The following SUGCT variants were observed in gnomAD, a reference collection of about 807,000 sequenced individuals.
SUGCT encodes succinyl-CoA:glutarate CoA-transferase.
A neutral mutation model predicts 55.0 loss-of-function variants in SUGCT; 41 were observed. The ratio of observed to expected loss-of-function variants is 0.74; its 90% confidence interval spans 0.58 to 0.97. The LOEUF (loss-of-function observed/expected upper bound fraction) is 0.97, where lower values mean the gene tolerates loss of function less well. SUGCT is among the 50% of genes least tolerant of loss of function. The pLI, the probability that SUGCT is intolerant of heterozygous loss-of-function variation, is 0.00. For missense variants in SUGCT, 568 were observed against 547.8 expected (o/e 1.04, Z -0.37); for synonymous variants, 187 against 200.4 (o/e 0.93, Z 0.56).
At chr7:41,000,459 A>G in the SUGCT span, among the ~76,000 whole-genome samples, 2 of 152,002 alleles carry the variant, frequency 1.3e-5, no homozygotes, top group Non-Finnish European at 2.9e-5. Context: ...GTAAGCAACT[A>G]AGTTAGACTC....
At chr7:40,261,473 A>G (rs371732469) in intron 7 of SUGCT, among the ~76,000 whole-genome samples, 3 of 152,334 alleles carry the variant, frequency 2.0e-5, no homozygotes, top group Admixed American at 6.5e-5. Flanking sequence ...GAATACTAAC[A>G]TGTATCCCAA....
intron 12 of SUGCT, among the ~76,000 whole-genome samples, chr7:40,664,997 AT>A (rs1355257781): frequency 1.4e-5 from 2 of 145,208 alleles, no homozygotes; most frequent in African/African-American, 5.3e-5. Context: ...AAAAAAAAAA[AT>A]CTTTTTCTGT....
At chr7:40,361,768 A>G (rs903427467) in intron 9 of SUGCT, among the ~76,000 whole-genome samples, 2 of 152,110 alleles carry the variant, frequency 1.3e-5, no homozygotes, top group African/African-American at 2.4e-5. Flanking sequence ...AGTCACTGGC[A>G]TAAAGATAGC....
At chr7:40,437,100 T>TC (rs1788220083) in intron 9 of SUGCT, among the ~76,000 whole-genome samples, 1 of 152,224 alleles carries the variant, frequency 6.6e-6, no homozygotes, top group African/African-American at 2.4e-5. Flanking sequence ...CCTTCTTGAA[T>TC]AACAGCAGGC....
chr7:40,335,253 T>C (rs1360610411), intron 9 of SUGCT, among the ~76,000 whole-genome samples: 1 of 152,206 alleles, frequency 6.6e-6, no homozygotes, highest in Admixed American at 6.5e-5. Flanking sequence ...TTTGGTTCCA[T>C]ATGAACTTTA....
chr7:40,645,966 T>C (rs1236891902), intron 12 of SUGCT, among the ~76,000 whole-genome samples: 1 of 152,226 alleles, frequency 6.6e-6, no homozygotes, highest in Non-Finnish European at 1.5e-5. Flanking sequence ...ATTGGGATAC[T>C]GGATGTGCAG....
At chr7:40,701,108 T>C (rs1164877460) in intron 12 of SUGCT, among the ~76,000 whole-genome samples, 2 of 152,204 alleles carry the variant, frequency 1.3e-5, no homozygotes, top group Non-Finnish European at 2.9e-5. Context: ...CCTCTGAGGC[T>C]GGCTTCCTCC....
intron 1 of SUGCT, among the ~76,000 whole-genome samples, chr7:40,163,584 G>A (rs1390203424): frequency 1.4e-5 from 2 of 147,090 alleles, no homozygotes; most frequent in Non-Finnish European, 3.0e-5. Context: ...CAGCCTGGGT[G>A]ATAGAGCGAG....
chr7:40,367,906 T>A (rs1784093743), intron 9 of SUGCT, among the ~76,000 whole-genome samples: 1 of 152,110 alleles, frequency 6.6e-6, no homozygotes, highest in African/African-American at 2.4e-5. Context: ...AGCCTCTCCA[T>A]CCATGCCTCC....
At chr7:40,900,273 C>T in the SUGCT span, among the ~76,000 whole-genome samples, 1 of 152,198 alleles carries the variant, frequency 6.6e-6, no homozygotes. Flanking sequence ...TATTTCTTTC[C>T]CTCTGGCTCC....
the SUGCT span, among the ~76,000 whole-genome samples, chr7:40,910,343 G>A: frequency 1.3e-5 from 2 of 152,074 alleles, no homozygotes; most frequent in Admixed American, 1.3e-4. Flanking sequence ...AACTTTTAAT[G>A]GAGGGTAGCA....
At chr7:40,282,617 C>T (rs1793040834) in intron 8 of SUGCT, among the ~76,000 whole-genome samples, 1 of 152,138 alleles carries the variant, frequency 6.6e-6, no homozygotes, top group Admixed American at 6.6e-5. Flanking sequence ...GGGGCCAGTG[C>T]AGTGGCCTGT....
intron 1 of SUGCT, among the ~76,000 whole-genome samples, chr7:40,156,966 G>T (rs966690264): frequency 6.9e-6 from 1 of 145,968 alleles, no homozygotes; most frequent in African/African-American, 2.6e-5. Flanking sequence ...AGTGAGCCGA[G>T]ATGGCACCAC....
chr7:40,846,230 T>C (rs1793549309), intron 13 of SUGCT, among the ~76,000 whole-genome samples: 1 of 152,202 alleles, frequency 6.6e-6, no homozygotes, highest in Non-Finnish European at 1.5e-5. Context: ...CCCAAAGAGC[T>C]TGTATTGAAT....
chr7:40,298,659 C>T (rs2151072734), intron 8 of SUGCT, among the ~76,000 whole-genome samples: 1 of 152,124 alleles, frequency 6.6e-6, no homozygotes, highest in East Asian at 1.9e-4. Context: ...TTTTCCTGAC[C>T]ACTATCATGT....
the SUGCT span, among the ~76,000 whole-genome samples, chr7:40,932,431 C>T: frequency 4.6e-5 from 7 of 152,138 alleles, no homozygotes; most frequent in Admixed American, 4.6e-4. Context: ...CTGTAGTTGT[C>T]TATTAGGTCC....
At chr7:40,452,515 T>A (rs1789245962) in intron 10 of SUGCT, among the ~76,000 whole-genome samples, 1 of 152,174 alleles carries the variant, frequency 6.6e-6, no homozygotes, top group African/African-American at 2.4e-5. Flanking sequence ...TAGGTGATTT[T>A]GGAGCAAGTT....
chr7:40,417,219 T>C (rs1046048858), intron 9 of SUGCT, among the ~76,000 whole-genome samples: 8 of 152,110 alleles, frequency 5.3e-5, no homozygotes, highest in Middle Eastern at 3.4e-3. Flanking sequence ...TTTCAGCTTT[T>C]TTCTTTGTTT....
Position 40,565,455 on chromosome 7 carries a change from A to G in SUGCT, c.1089+69069A>G, listed in dbSNP as rs145336268. On this transcript the variant is annotated intron_variant, in intron 12 of 13. Coordinates refer to ENST00000335693, the MANE Select transcript of SUGCT (RefSeq NM_001193313.2). ...TGCTGGGGCATAGGCTATCCCCATT[A>G]TTTCTTATATTAATTCATCTTTTCT... is the stretch of plus-strand genomic sequence containing the variant. 1.7e-3 allele frequency among the ~76,000 whole-genome samples: 261 copies of G among 152,288 alleles called. 1 individual carries two copies. Among genetic ancestry groups the G allele is most frequent in the Non-Finnish European group, 3.1e-3 (208 of 68,014 alleles).
Sources: allele counts gnomAD v4.1 joint callset (sites outside exome capture counted in the v4.1 genomes callset), GRCh38; gene constraint gnomAD v4.1.1; transcripts MANE v1.5; gene names NCBI Gene and HGNC (gene_info 2026-07-23, HGNC 2026-07-21).